ASTN1: variants seen among roughly 807,000 people sequenced by gnomAD.
The protein encoded by ASTN1 is astrotactin 1.
A neutral mutation model predicts 140.7 loss-of-function variants in ASTN1; 41 were observed. The observed-to-expected ratio is 0.29, with a 90% CI of 0.23 to 0.38. The LOEUF (loss-of-function observed/expected upper bound fraction) is 0.38, where lower values mean the gene tolerates loss of function less well. Among genes scored for constraint, ASTN1 ranks in the 10% least tolerant of loss-of-function variants. ASTN1 has a pLI of 1.00. For synonymous variants in ASTN1, 640 were observed against 652.2 expected, an observed-to-expected ratio of 0.98 and a Z score of 0.29; for missense variants, 1,479 against 1,678.8, an observed-to-expected ratio of 0.88 and a Z score of 2.08.
At chr1:176,884,606 A>G in intron 18 of ASTN1, 116 bp from the exon 19 acceptor site, 1 of 1,209,988 alleles carries the variant, frequency 8.3e-7, no homozygotes, top group Non-Finnish European at 1.2e-6. Context: ...TACAAAAATG[A>G]TCTCTTTGAG....
At position 176,936,280 on chromosome 1, in the gene ASTN1, A is replaced by G. The variant is rs1265959345; in HGVS notation, c.2468T>C (p.Val823Ala). 8 of 1,613,890 alleles carry G rather than the reference A, an allele frequency of 5.0e-6. No homozygotes were observed. Among genetic ancestry groups the G allele is most frequent in the Non-Finnish European group, 6.8e-6 (8 of 1,179,910 alleles). ...SVMYHIKLNQ[V>A]AISQALSNAL... ...GCAGTGCTCACCCTGAGAGATGGCC[A>G]CTTGGTTGAGTTTGATGTGGTACAT... is the stretch of plus-strand genomic sequence containing the variant. Residue 823 changes from valine (V) to alanine (A), a missense_variant, in exon 15 of 23, where the codon GTG becomes GCG. Physicochemically the swap from Val to Ala is moderately conservative, Grantham distance 64. Coordinates refer to ENST00000361833, the MANE Select transcript of ASTN1 (RefSeq NM_004319.3).
rs1158358194 is a variant in ASTN1 at position 176,993,151 on chromosome 1, G to A, written c.1523+21640C>T. On this transcript the variant is annotated intron_variant, in intron 8 of 22. Transcript: ENST00000361833. ...CCAAAGCTGTGAGAACATAATGTCTGTTGTTTAAGCCACTCAGTCTATGGT... is the reference window on the plus strand; with the variant it reads ...CCAAAGCTGTGAGAACATAATGTCTATTGTTTAAGCCACTCAGTCTATGGT... 2.0e-5 allele frequency among the ~76,000 whole-genome samples: 3 copies of A among 152,198 alleles called. No homozygotes were observed. In the East Asian group the frequency reaches 5.8e-4, roughly 29 times the overall value.
At chr1:176,990,958 A>G (rs563060886) in intron 8 of ASTN1, among the ~76,000 whole-genome samples, 1 of 152,206 alleles carries the variant, frequency 6.6e-6, no homozygotes, top group Non-Finnish European at 1.5e-5. Context: ...TCATTTAAGT[A>G]TGTTTAATCC....
chr1:176,890,976 G>C (rs1479578022), intron 17 of ASTN1, among the ~76,000 whole-genome samples: 1 of 151,980 alleles, frequency 6.6e-6, no homozygotes, highest in Non-Finnish European at 1.5e-5. Context: ...GCAGTGAGCT[G>C]AGATCATACC....
At chr1:177,023,727 T>A (rs114185812) in intron 6 of ASTN1, among the ~76,000 whole-genome samples, 156 bp from the exon 7 acceptor site, 2,828 of 152,228 alleles carry the variant, frequency 0.019, 41 homozygotes, top group South Asian at 0.03. Context: ...GAGCAAGGGA[T>A]CAGCAGACAG....
intron 22 of ASTN1, 128 bp from the exon 23 acceptor site, chr1:176,864,649 T>A: frequency 1.5e-6 from 2 of 1,357,984 alleles, no homozygotes; most frequent in East Asian, 2.4e-5. Flanking sequence ...CCCTATTTTA[T>A]CTTTGGCACT....
intron 1 of ASTN1, among the ~76,000 whole-genome samples, chr1:177,072,283 C>T (rs6704507): frequency 0.13 from 19,795 of 152,210 alleles, 1,642 homozygotes; most frequent in African/African-American, 0.24. Flanking sequence ...AGTTATTAAC[C>T]TATTCACACT....
chr1:177,008,243 C>T (rs1008014558), intron 8 of ASTN1, among the ~76,000 whole-genome samples: 1 of 152,122 alleles, frequency 6.6e-6, no homozygotes, highest in Admixed American at 6.5e-5. Context: ...TTCAGCAGGG[C>T]ACCTCTAGAG....
At chr1:176,972,937 C>T (rs531652037) in intron 8 of ASTN1, among the ~76,000 whole-genome samples, 7 of 152,190 alleles carry the variant, frequency 4.6e-5, no homozygotes, top group African/African-American at 1.2e-4. Context: ...ATCCACTTCC[C>T]TCCTTGCTAC....
At chr1:176,910,984 T>C (rs1402737107) in intron 16 of ASTN1, among the ~76,000 whole-genome samples, 1 of 152,050 alleles carries the variant, frequency 6.6e-6, no homozygotes, top group African/African-American at 2.4e-5. Flanking sequence ...CATGGAAAAA[T>C]TGTCTTCTAT....
chr1:177,151,509 C>A (rs1405121537), intron 1 of ASTN1, among the ~76,000 whole-genome samples: 1 of 151,792 alleles, frequency 6.6e-6, no homozygotes, highest in Non-Finnish European at 1.5e-5. Context: ...AACACACATA[C>A]TGGTGACTCT....
At chr1:177,002,329 G>A (rs945479605) in intron 8 of ASTN1, among the ~76,000 whole-genome samples, 2 of 151,228 alleles carry the variant, frequency 1.3e-5, no homozygotes, top group Non-Finnish European at 2.9e-5. Context: ...TGTGATTCTG[G>A]TCAATGTACT....
chr1:176,936,241 C>A, intron 15 of ASTN1, 25 bp downstream of exon 15: 3 of 1,595,684 alleles, frequency 1.9e-6, no homozygotes, highest in Non-Finnish European at 2.6e-6. Flanking sequence ...GGAAGGTGGG[C>A]AGGATAGCCT....
intron 1 of ASTN1, among the ~76,000 whole-genome samples, chr1:177,111,319 C>T (rs1558103038): frequency 6.6e-6 from 1 of 151,960 alleles, no homozygotes; most frequent in Non-Finnish European, 1.5e-5. Flanking sequence ...AAAATGCTGC[C>T]AATTGAGAGA....
intron 8 of ASTN1, among the ~76,000 whole-genome samples, chr1:176,990,539 GA>G (rs1244225428): frequency 2.0e-5 from 3 of 151,944 alleles, no homozygotes; most frequent in Admixed American, 6.6e-5. Context: ...AAGGAAGTAA[GA>G]GGGGGAAAAA....
intron 2 of ASTN1, among the ~76,000 whole-genome samples, chr1:177,043,357 G>A (rs1677065058): frequency 6.6e-6 from 1 of 152,202 alleles, no homozygotes; most frequent in African/African-American, 2.4e-5. Flanking sequence ...ATTACAGTCA[G>A]GTCACACAAA....
chr1:177,044,021 G>C (rs1049340654), intron 2 of ASTN1, among the ~76,000 whole-genome samples: 1 of 152,112 alleles, frequency 6.6e-6, no homozygotes, highest in Non-Finnish European at 1.5e-5. Flanking sequence ...CACTGAATGA[G>C]GTACTGATAT....
chr1:177,078,180 T>G (rs1679007861), intron 1 of ASTN1, among the ~76,000 whole-genome samples: 1 of 152,064 alleles, frequency 6.6e-6, no homozygotes, highest in African/African-American at 2.4e-5. Context: ...ATGGGCACAT[T>G]ACTGCAATGC....
At chr1:177,092,496 C>T (rs1239512038) in intron 1 of ASTN1, among the ~76,000 whole-genome samples, 1 of 152,162 alleles carries the variant, frequency 6.6e-6, no homozygotes, top group African/African-American at 2.4e-5. Context: ...ACAAAAGTTA[C>T]AAACTTTGAC....
Sources: allele counts gnomAD v4.1 joint callset (sites outside exome capture counted in the v4.1 genomes callset), GRCh38; gene constraint gnomAD v4.1.1; transcripts MANE v1.5; gene names NCBI Gene and HGNC (gene_info 2026-07-23, HGNC 2026-07-21).